GRID1: variants seen among roughly 807,000 people sequenced by gnomAD.
The protein encoded by GRID1 is glutamate ionotropic receptor delta type subunit 1.
GRID1 carries 28 observed loss-of-function variants against 98.0 expected under a neutral mutation model. The ratio of observed to expected loss-of-function variants is 0.29; its 90% CI spans 0.21 to 0.39. The LOEUF (loss-of-function observed/expected upper bound fraction) is 0.39, where lower values mean the gene tolerates loss of function less well. GRID1 is among the 10% of genes least tolerant of loss of function. The pLI, the probability that GRID1 is intolerant of heterozygous loss-of-function variation, is 1.00. For missense variants in GRID1, 1,111 were observed against 1,340.5 expected (o/e 0.83, Z 2.67); for synonymous variants, 553 against 538.5 (o/e 1.03, Z -0.37).
intron 2 of GRID1, among the ~76,000 whole-genome samples, chr10:86,247,002 A>T (rs1174432563): frequency 6.6e-6 from 1 of 152,268 alleles, no homozygotes; most frequent in Non-Finnish European, 1.5e-5. Context: ...ATTAGAAATG[A>T]GCCTCATCTC....
chr10:85,637,520 GA>G (rs765342268), intron 13 of GRID1, among the ~76,000 whole-genome samples: 1 of 152,214 alleles, frequency 6.6e-6, no homozygotes, highest in Non-Finnish European at 1.5e-5. Context: ...GTGAAGCAGT[GA>G]AAAGACCACT....
intron 4 of GRID1, among the ~76,000 whole-genome samples, chr10:86,076,501 T>C (rs77233580): frequency 0.024 from 3,663 of 152,126 alleles, 73 homozygotes; most frequent in East Asian, 0.067. Flanking sequence ...AGTGTGTGCA[T>C]TGAGAGAGGA....
At chr10:85,906,256 G>T (rs1564623416) in intron 5 of GRID1, among the ~76,000 whole-genome samples, 1 of 151,996 alleles carries the variant, frequency 6.6e-6, no homozygotes, top group Non-Finnish European at 1.5e-5. Flanking sequence ...AATATATTAA[G>T]CAATAACTGG....
chr10:85,917,807 C>G (rs1216628432), intron 4 of GRID1, among the ~76,000 whole-genome samples: 1 of 152,246 alleles, frequency 6.6e-6, no homozygotes. Context: ...ACTTTCCTCC[C>G]CTTTCTACAA....
intron 4 of GRID1, among the ~76,000 whole-genome samples, chr10:86,034,947 TGG>T (rs1355159923): frequency 5.5e-4 from 83 of 151,554 alleles, no homozygotes; most frequent in Non-Finnish European, 8.6e-4. Flanking sequence ...GATGGATGGA[TGG>T]ATGGATAGAT....
At chr10:85,610,397 C>T (rs760822897) in intron 15 of GRID1, among the ~76,000 whole-genome samples, 2 of 152,204 alleles carry the variant, frequency 1.3e-5, no homozygotes, top group Non-Finnish European at 2.9e-5. Flanking sequence ...TCCTTCCTCA[C>T]GTTGACACTT....
intron 8 of GRID1, among the ~76,000 whole-genome samples, chr10:85,823,991 G>C (rs1162628684): frequency 7.9e-5 from 12 of 152,132 alleles, no homozygotes; most frequent in Admixed American, 7.2e-4. Context: ...GGGTAGGAAA[G>C]GATCCCAGAG....
chr10:86,125,949 C>T (rs1473927125), intron 4 of GRID1, among the ~76,000 whole-genome samples: 1 of 152,128 alleles, frequency 6.6e-6, no homozygotes, highest in Admixed American at 6.5e-5. Flanking sequence ...AGGCTTCTGG[C>T]CAACAGTAAG....
chr10:85,610,155 A>T (rs1437836785), intron 15 of GRID1, among the ~76,000 whole-genome samples: 1 of 152,234 alleles, frequency 6.6e-6, no homozygotes, highest in Non-Finnish European at 1.5e-5. Context: ...AGACACTCTC[A>T]CCTAATTGCA....
chr10:86,055,813 T>TTCTCTCTCTCTCTCTCTC lies in GRID1; in HGVS notation c.726+82988_726+83005dup, dbSNP rs141146400. ...CAGAACCAGAGAGCCTGTGCTCTCATTCTCTCTCTCTCTCTCTCTCTCTCT... is the reference window on the plus strand; with the variant it reads ...CAGAACCAGAGAGCCTGTGCTCTCATTCTCTCTCTCTCTCTCTCTCTCTCTCTCTCTCTCTCTCTCTCT... On this transcript the variant is annotated intron_variant, in intron 4 of 15. Transcript: ENST00000327946. Among the ~76,000 whole-genome samples, 469 of 147,420 alleles carry TTCTCTCTCTCTCTCTCTC rather than the reference T, an allele frequency of 3.2e-3. 3 individuals are homozygous for TTCTCTCTCTCTCTCTCTC. The highest frequency in any genetic ancestry group is 9.9e-3 in the African/African-American group (398 of 40,022).
intron 8 of GRID1, among the ~76,000 whole-genome samples, chr10:85,851,061 C>T (rs893733941): frequency 1.3e-5 from 2 of 152,166 alleles, no homozygotes; most frequent in Admixed American, 6.5e-5. Flanking sequence ...GAGCTAAGGA[C>T]ATTTACATGG....
At chr10:86,131,331 G>A (rs1371222672) in intron 4 of GRID1, among the ~76,000 whole-genome samples, 1 of 152,116 alleles carries the variant, frequency 6.6e-6, no homozygotes, top group Non-Finnish European at 1.5e-5. Flanking sequence ...AAGGGTAATT[G>A]AGCCATTTCG....
At chr10:86,036,230 G>C (rs748019180) in intron 4 of GRID1, among the ~76,000 whole-genome samples, 1 of 152,182 alleles carries the variant, frequency 6.6e-6, no homozygotes, top group African/African-American at 2.4e-5. Context: ...AAGACAGTCC[G>C]CCTTGGGCTG....
chr10:86,350,370 A>G (rs546386539), intron 2 of GRID1, among the ~76,000 whole-genome samples: 2 of 152,318 alleles, frequency 1.3e-5, no homozygotes, highest in African/African-American at 4.8e-5. Context: ...CCTGGAGGGA[A>G]GGGCAGAGGC....
chr10:85,753,108 A>G (rs1842064088), intron 8 of GRID1, among the ~76,000 whole-genome samples: 1 of 152,204 alleles, frequency 6.6e-6, no homozygotes, highest in African/African-American at 2.4e-5. Context: ...AGAGAAATCA[A>G]AAGTGTTTAT....
intron 2 of GRID1, among the ~76,000 whole-genome samples, chr10:86,313,561 G>T (rs573588318): frequency 5.3e-4 from 80 of 152,326 alleles, no homozygotes; most frequent in African/African-American, 1.6e-3. Context: ...AGCCACCAGG[G>T]GAGTCTCCGT....
intron 2 of GRID1, among the ~76,000 whole-genome samples, chr10:86,210,449 G>A (rs941337110): frequency 1.3e-5 from 2 of 152,214 alleles, no homozygotes; most frequent in Non-Finnish European, 2.9e-5. Context: ...CACTGACTTA[G>A]GACGCTGATA....
intron 2 of GRID1, among the ~76,000 whole-genome samples, chr10:86,353,883 G>A (rs1353942767): frequency 6.6e-6 from 1 of 152,218 alleles, no homozygotes; most frequent in East Asian, 1.9e-4. Flanking sequence ...CTAGAGCCCA[G>A]CCAAATCAAG....
intron 5 of GRID1, among the ~76,000 whole-genome samples, chr10:85,906,370 T>C (rs988591851): frequency 6.6e-6 from 1 of 152,148 alleles, no homozygotes; most frequent in Admixed American, 6.5e-5. Context: ...TCATAAAGGA[T>C]ACAGAAGGCG....
Sources: allele counts gnomAD v4.1 joint callset (sites outside exome capture counted in the v4.1 genomes callset), GRCh38; gene constraint gnomAD v4.1.1; transcripts MANE v1.5; gene names NCBI Gene and HGNC (gene_info 2026-07-23, HGNC 2026-07-21).